MAP2: variants seen among roughly 807,000 people sequenced by gnomAD.
MAP2 encodes the protein microtubule-associated protein 2.
MAP2 carries 14 observed loss-of-function variants against 137.6 expected under a neutral mutation model. The ratio of observed to expected loss-of-function variants is 0.10; its 90% CI spans 0.07 to 0.16. The LOEUF (loss-of-function observed/expected upper bound fraction) is 0.16. Ranked by LOEUF, MAP2 falls within the 10% of genes least tolerant of loss-of-function variation. The probability of loss-of-function intolerance (pLI) is 1.00; values close to 1 mark genes in which losing one functional copy is unlikely to be tolerated. For missense variants in MAP2, 2,088 were observed against 2,191.5 expected, an observed-to-expected ratio of 0.95 and a Z score of 0.94; for synonymous variants, 786 against 782.3, an observed-to-expected ratio of 1.00 and a Z score of -0.08.
chr2:209,585,606 T>C (rs1487896822), intron 3 of MAP2, among the ~76,000 whole-genome samples: 1 of 152,134 alleles, frequency 6.6e-6, no homozygotes, highest in Non-Finnish European at 1.5e-5. Flanking sequence ...CATTCAGCAG[T>C]GTCTTAAGGA....
intron 8 of MAP2, 76 bp downstream of exon 8, chr2:209,696,426 A>T: frequency 9.5e-6 from 14 of 1,476,390 alleles, no homozygotes; most frequent in Non-Finnish European, 1.2e-5. Context: ...TAAACATTTT[A>T]AAATACCTCT....
intron 2 of MAP2, among the ~76,000 whole-genome samples, chr2:209,545,796 A>T (rs773163707): frequency 6.6e-6 from 1 of 152,234 alleles, no homozygotes; most frequent in South Asian, 2.1e-4. Flanking sequence ...AGTTAATAGT[A>T]CTGAATTAAA....
chr2:209,504,329 C>T (rs964232582), intron 1 of MAP2, among the ~76,000 whole-genome samples: 6 of 151,326 alleles, frequency 4.0e-5, no homozygotes, highest in African/African-American at 9.7e-5. Context: ...TGGGAGTGCA[C>T]GTAGAAGAAA....
Position 209,431,995 on chromosome 2 carries a change from A to T in MAP2, c.-222+7719A>T, listed in dbSNP as rs148546281. ...CCGGATAGTAGTTTAAACTCTGGGG[A>T]TGTGTGCCCAGACTTGGAAAGCCAA... On this transcript the variant is annotated intron_variant, in intron 1 of 15. Coordinates refer to ENST00000682079, the MANE Select transcript of MAP2 (RefSeq NM_001375505.1). Among the ~76,000 whole-genome samples, 215 of 152,178 alleles carry T rather than the reference A, an allele frequency of 1.4e-3. 1 individual carries two copies. The highest frequency in any genetic ancestry group is 5.1e-3 in the African/African-American group (210 of 41,526).
At chr2:209,653,902 T>C (rs920078857) in intron 5 of MAP2, among the ~76,000 whole-genome samples, 2 of 152,168 alleles carry the variant, frequency 1.3e-5, no homozygotes, top group Non-Finnish European at 2.9e-5. Context: ...ATGCAAGGTG[T>C]TGTGTTAGCT....
intron 1 of MAP2, among the ~76,000 whole-genome samples, chr2:209,477,261 G>T (rs187674352): frequency 6.6e-6 from 1 of 152,066 alleles, no homozygotes; most frequent in Admixed American, 6.5e-5. Context: ...TGAGTGAAGG[G>T]TATGCCATAG....
chr2:209,628,629 A>T (rs1261858987), intron 4 of MAP2, among the ~76,000 whole-genome samples: 1 of 152,190 alleles, frequency 6.6e-6, no homozygotes, highest in Non-Finnish European at 1.5e-5. Flanking sequence ...TAATCAATTG[A>T]TATGACTCTC....
In MAP2 at chr2:209,611,005, A is replaced by G. The variant is rs142467344; in HGVS notation, c.-106-14048A>G. Among the ~76,000 whole-genome samples, 6 of 152,316 alleles carry G rather than the reference A, an allele frequency of 3.9e-5. No homozygotes were observed. In the East Asian group the frequency reaches 1.2e-3, roughly 29 times the overall value. ...AAATTCTACAAAGAGTCTATTATACACACAAAAAAGTTAAAAACTAGGGTT... is the reference window on the plus strand; with the variant it reads ...AAATTCTACAAAGAGTCTATTATACGCACAAAAAAGTTAAAAACTAGGGTT... On this transcript the variant is annotated intron_variant, in intron 3 of 15. Transcript: ENST00000682079.
intron 5 of MAP2, among the ~76,000 whole-genome samples, chr2:209,668,706 A>G (rs1277043100): frequency 6.6e-6 from 1 of 152,114 alleles, no homozygotes; most frequent in Admixed American, 6.6e-5. Context: ...AGGTCTGGCA[A>G]AAAGTATTTT....
chr2:209,485,870 G>A (rs1021320360), intron 1 of MAP2, among the ~76,000 whole-genome samples: 2 of 152,196 alleles, frequency 1.3e-5, no homozygotes, highest in African/African-American at 2.4e-5. Flanking sequence ...AGTTGGAAAT[G>A]TTCCCTTCTG....
At chr2:209,675,863 C>G (rs1323939299) in intron 5 of MAP2, among the ~76,000 whole-genome samples, 1 of 151,670 alleles carries the variant, frequency 6.6e-6, no homozygotes, top group Admixed American at 6.6e-5. Flanking sequence ...GAATGCAGGA[C>G]CCCCATTTAA....
Position 209,696,421 on chromosome 2 carries a change from A to G in MAP2, c.4180+71A>G, listed in dbSNP as rs867963278. 33 of 1,480,596 alleles carry G rather than the reference A, an allele frequency of 2.2e-5. 1 individual carries two copies. In the Middle Eastern group the frequency reaches 1.3e-3, roughly 57 times the overall value. 91.7% of individuals were successfully genotyped at this position (1,480,596 alleles called of 1,614,324 possible). A position where few individuals can be genotyped will look rare whatever the true frequency, so the allele number is the denominator to read the frequency against. Reference sequence around the variant, plus strand: ...TATGGGAATTTTTTTTCACTTAAACATTTTAAAATACCTCTTTATCTCTTT... The same window carrying G: ...TATGGGAATTTTTTTTCACTTAAACGTTTTAAAATACCTCTTTATCTCTTT... On this transcript the variant is annotated intron_variant, in intron 8 of 15. Transcript: ENST00000682079.
At chr2:209,522,241 A>C (rs1191747378) in intron 2 of MAP2, among the ~76,000 whole-genome samples, 1 of 152,158 alleles carries the variant, frequency 6.6e-6, no homozygotes, top group Non-Finnish European at 1.5e-5. Flanking sequence ...CAGATTAGAA[A>C]GCCATGGCCA....
At chr2:209,449,547 G>A (rs922092507) in intron 1 of MAP2, among the ~76,000 whole-genome samples, 1 of 149,586 alleles carries the variant, frequency 6.7e-6, no homozygotes, top group African/African-American at 2.5e-5. Flanking sequence ...ATGTAGTTCA[G>A]AACTTGTTAT....
intron 1 of MAP2, among the ~76,000 whole-genome samples, chr2:209,452,966 A>T (rs555259567): frequency 2.1e-4 from 32 of 152,218 alleles, no homozygotes; most frequent in Non-Finnish European, 3.4e-4. Context: ...TGTAAAAGAA[A>T]TTGGAAATAT....
At chr2:209,717,775 T>C (rs2068317315) in intron 13 of MAP2, among the ~76,000 whole-genome samples, 1 of 152,192 alleles carries the variant, frequency 6.6e-6, no homozygotes, top group Non-Finnish European at 1.5e-5. Context: ...AAAAGGGCAA[T>C]GGGAGACAAT....
At chr2:209,634,261 G>A (rs535258173) in intron 4 of MAP2, among the ~76,000 whole-genome samples, 5 of 152,236 alleles carry the variant, frequency 3.3e-5, no homozygotes, top group Non-Finnish European at 5.9e-5. Context: ...TAGTCTCATC[G>A]ATTTTTTGGA....
At chr2:209,625,571 A>G (rs2092156062) in intron 4 of MAP2, among the ~76,000 whole-genome samples, 2 of 152,200 alleles carry the variant, frequency 1.3e-5, no homozygotes, top group South Asian at 4.1e-4. Flanking sequence ...CAGAGAGAGA[A>G]GCAGGTGGAT....
At chr2:209,688,435 T>A (rs1433560618) in intron 7 of MAP2, among the ~76,000 whole-genome samples, 1 of 152,202 alleles carries the variant, frequency 6.6e-6, no homozygotes, top group Non-Finnish European at 1.5e-5. Flanking sequence ...TATATTAATA[T>A]GATAGATCTT....
Sources: gnomAD v4.1 joint callset for allele counts (sites outside exome capture counted in the v4.1 genomes callset) on GRCh38, gnomAD v4.1.1 for gene constraint, MANE v1.5 for transcripts, NCBI Gene and HGNC (gene_info 2026-07-23, HGNC 2026-07-21) for gene names.